PUM1: variants seen among roughly 807,000 people sequenced by gnomAD.
PUM1 encodes pumilio homolog 1.
In PUM1, 13 loss-of-function variants were observed where a neutral mutation model predicts 131.8. The observed-to-expected ratio is 0.10, with a 90% CI of 0.06 to 0.16. PUM1 has a LOEUF of 0.16. Ranked by LOEUF, PUM1 falls within the 10% of genes least tolerant of loss-of-function variation. The pLI, the probability that PUM1 is intolerant of heterozygous loss-of-function variation, is 1.00. For synonymous variants in PUM1, 509 were observed against 556.5 expected (o/e 0.91, Z 1.20); for missense variants, 961 against 1,512.4 (o/e 0.64, Z 6.05).
intron 18 of PUM1, among the ~76,000 whole-genome samples, chr1:30,943,038 G>C (rs1055951855): frequency 7.2e-5 from 11 of 152,148 alleles, no homozygotes; most frequent in African/African-American, 2.7e-4. Flanking sequence ...TTACAGGTGT[G>C]AGCCACTGCA....
At chr1:30,990,534 C>T (rs925084216) in intron 7 of PUM1, among the ~76,000 whole-genome samples, 7 of 151,566 alleles carry the variant, frequency 4.6e-5, no homozygotes, top group African/African-American at 1.7e-4. Context: ...AAACAAACAC[C>T]AATTTCCAAT....
Position 31,016,474 on chromosome 1 carries a change from T to A in PUM1, c.433-9372A>T, listed in dbSNP as rs184862665. 9.7e-4 allele frequency among the ~76,000 whole-genome samples: 147 copies of A among 152,298 alleles called. 1 individual carries two copies. Among genetic ancestry groups the A allele is most frequent in the Non-Finnish European group, 2.4e-4 (16 of 68,024 alleles). ...AGATCTTCCAAATTCTCGTTTTGCA[T>A]TTATATATATGTATATATTCATGGT... On this transcript the variant is annotated intron_variant, in intron 3 of 21. Transcript: ENST00000426105.
chr1:30,985,642 C>T (rs1332336500), intron 7 of PUM1, among the ~76,000 whole-genome samples: 2 of 131,278 alleles, frequency 1.5e-5, no homozygotes, highest in Non-Finnish European at 3.1e-5. Context: ...AAGAGTGAAA[C>T]TCCATCTCAA....
intron 20 of PUM1, among the ~76,000 whole-genome samples, chr1:30,937,820 G>A (rs148419711): frequency 2.1e-3 from 320 of 152,138 alleles, no homozygotes; most frequent in African/African-American, 7.4e-3. Context: ...CCAGGCTGGA[G>A]TGCAATGGCA....
intron 5 of PUM1, among the ~76,000 whole-genome samples, chr1:31,002,178 G>C (rs962191651): frequency 2.6e-5 from 4 of 152,172 alleles, no homozygotes. Flanking sequence ...ACATTGTACA[G>C]AAGTTTTCAA....
intron 10 of PUM1, chr1:30,973,030 A>G (rs1036637637): frequency 1.0e-5 from 2 of 190,934 alleles, no homozygotes; most frequent in Admixed American, 5.2e-5. Flanking sequence ...CAGTGAGCCA[A>G]GATTGCACCA....
intron 14 of PUM1, among the ~76,000 whole-genome samples, chr1:30,958,276 G>C (rs1323683356): frequency 1.3e-5 from 2 of 152,110 alleles, no homozygotes; most frequent in African/African-American, 4.8e-5. Flanking sequence ...ATGCTTTTTA[G>C]TTTAGAACTA....
chr1:30,944,287 T>G (rs886857415), intron 18 of PUM1, among the ~76,000 whole-genome samples: 4 of 152,022 alleles, frequency 2.6e-5, no homozygotes, highest in South Asian at 4.2e-4. Flanking sequence ...TTTTTCTCAT[T>G]TTTCCCCCTT....
chr1:30,961,728 G>A (rs1640416101), intron 14 of PUM1, among the ~76,000 whole-genome samples: 1 of 151,570 alleles, frequency 6.6e-6, no homozygotes, highest in Non-Finnish European at 1.5e-5. Flanking sequence ...GACAAGATGG[G>A]GAAAAGATCC....
chr1:31,024,314 AT>A, intron 3 of PUM1, among the ~76,000 whole-genome samples: 1 of 152,284 alleles, frequency 6.6e-6, no homozygotes, highest in African/African-American at 2.4e-5. Flanking sequence ...TCCTCCCTCT[AT>A]AAGCCACTCT....
intron 5 of PUM1, among the ~76,000 whole-genome samples, chr1:31,005,178 A>T (rs1217372973): frequency 6.6e-6 from 1 of 152,256 alleles, no homozygotes; most frequent in Non-Finnish European, 1.5e-5. Context: ...GCTATCACAG[A>T]TGCTCATAGA....
chr1:30,936,265 C>T (rs187174774), intron 21 of PUM1, among the ~76,000 whole-genome samples: 2 of 152,068 alleles, frequency 1.3e-5, no homozygotes, highest in East Asian at 3.9e-4. Flanking sequence ...GTCAATGTAC[C>T]AGGCTATGCA....
chr1:31,021,094 G>GT (rs1643003923), intron 3 of PUM1, among the ~76,000 whole-genome samples: 1 of 152,110 alleles, frequency 6.6e-6, no homozygotes. Context: ...CTGTAACAAC[G>GT]TAACAACTAT....
intron 3 of PUM1, among the ~76,000 whole-genome samples, chr1:31,008,877 T>C (rs529890999): frequency 6.6e-6 from 1 of 152,132 alleles, no homozygotes; most frequent in East Asian, 1.9e-4. Context: ...CTCAAAAATG[T>C]CCTGTCCCCT....
At chr1:31,007,156 C>T in intron 3 of PUM1, 54 bp from the exon 4 acceptor site, 2 of 1,312,390 alleles carry the variant, frequency 1.5e-6, no homozygotes, top group Non-Finnish European at 2.2e-6. Flanking sequence ...GATGAAAGTA[C>T]AGCAGTCAAC....
intron 3 of PUM1, among the ~76,000 whole-genome samples, chr1:31,024,160 A>C (rs1314687857): frequency 1.3e-5 from 2 of 152,154 alleles, no homozygotes; most frequent in Non-Finnish European, 2.9e-5. Flanking sequence ...CGGGTAGAAA[A>C]AAGTAAGTGC....
chr1:31,009,782 A>AAAAAACAAAAAAAAAC (rs1642539095), intron 3 of PUM1, among the ~76,000 whole-genome samples: 13 of 125,346 alleles, frequency 1.0e-4, no homozygotes, highest in Non-Finnish European at 1.1e-4. Flanking sequence ...AAAAAAAAAA[A>AAAAAACAAAAAAAAAC]AAAAACAAAA....
In PUM1 at chr1:30,981,362, G is replaced by A; in HGVS notation, c.1202C>T (p.Ala401Val). 2 of 1,605,370 alleles carry A rather than the reference G, an allele frequency of 1.2e-6. No individual in the cohort carries two copies. Among genetic ancestry groups the A allele is most frequent in the Non-Finnish European group, 1.7e-6 (2 of 1,175,182 alleles). ...PNALAVQQLT[A>V]AQQQQYALAA... ...CAGTGCATACTGCTGCTGCTGAGCAGCTGTCAACTGCTGGACAGCAAGCGC... is the reference window on the plus strand; with the variant it reads ...CAGTGCATACTGCTGCTGCTGAGCAACTGTCAACTGCTGGACAGCAAGCGC... The change falls in exon 8 of 22, where the codon GCT becomes GTT. Residue 401 changes from alanine (A) to valine (V), a missense_variant. Ala to Val is a moderately conservative substitution (Grantham distance 64). Coordinates refer to ENST00000426105, the MANE Select transcript of PUM1 (RefSeq NM_001020658.2).
At chr1:31,027,608 T>C (rs1244674675) in intron 3 of PUM1, among the ~76,000 whole-genome samples, 1 of 152,170 alleles carries the variant, frequency 6.6e-6, no homozygotes, top group African/African-American at 2.4e-5. Flanking sequence ...GATAGGACAC[T>C]GGACTCTGTG....
Sources: allele counts gnomAD v4.1 joint callset (sites outside exome capture counted in the v4.1 genomes callset), GRCh38; gene constraint gnomAD v4.1.1; transcripts MANE v1.5; gene names NCBI Gene and HGNC (gene_info 2026-07-23, HGNC 2026-07-21).